The following PTPRU variants were observed in gnomAD, a reference collection of about 807,000 sequenced individuals.
PTPRU encodes receptor-type tyrosine-protein phosphatase U.
Under a neutral mutation model 166.3 loss-of-function variants are expected in PTPRU, and 69 were observed. The ratio of observed to expected loss-of-function variants is 0.41; its 90% CI spans 0.34 to 0.51. The LOEUF is 0.51. Ranked by LOEUF, PTPRU falls within the 20% of genes least tolerant of loss-of-function variation. PTPRU has a pLI of 0.09. For synonymous variants in PTPRU, 793 were observed against 814.0 expected (o/e 0.97, Z 0.44); for missense variants, 1,657 against 2,013.7 (o/e 0.82, Z 3.39).
Position 29,307,288 on chromosome 1 carries a change from C to T in PTPRU, c.2820+1860C>T, listed in dbSNP as rs982845554. Reference sequence around the variant, plus strand: ...TTCTACTTATGTGCCCAGCACCAACCGTCCATTTCAGCAGCCTGGCCAGGG... The same window carrying T: ...TTCTACTTATGTGCCCAGCACCAACTGTCCATTTCAGCAGCCTGGCCAGGG... On this transcript the variant is annotated intron_variant, in intron 18 of 29. Coordinates refer to ENST00000373779, the MANE Select transcript of PTPRU (RefSeq NM_133178.4). 47 of 1,186,764 alleles carry T rather than the reference C, an allele frequency of 4.0e-5. No homozygotes were observed. In the Middle Eastern group the frequency reaches 7.6e-4, roughly 19 times the overall value. 73.5% of individuals were successfully genotyped at this position (1,186,764 alleles called of 1,614,324 possible).
At chr1:29,278,829 A>G (rs1012821845) in intron 8 of PTPRU, among the ~76,000 whole-genome samples, 183 bp from the exon 9 acceptor site, 3 of 152,252 alleles carry the variant, frequency 2.0e-5, no homozygotes, top group African/African-American at 7.2e-5. Flanking sequence ...TGTACATCAC[A>G]TCATTTGAGT....
At chr1:29,274,962 ATT>A (rs913279952) in intron 7 of PTPRU, among the ~76,000 whole-genome samples, 2 of 147,750 alleles carry the variant, frequency 1.4e-5, no homozygotes, top group Non-Finnish European at 3.0e-5. Context: ...AGGTGGAAGG[ATT>A]GCTTGAACCT....
chr1:29,273,859 A>G (rs940231602), intron 7 of PTPRU, among the ~76,000 whole-genome samples: 1 of 152,116 alleles, frequency 6.6e-6, no homozygotes, highest in Non-Finnish European at 1.5e-5. Flanking sequence ...GGTGGTTAAG[A>G]GCATGGATTT....
chr1:29,255,761 C>T (rs1412944329), intron 2 of PTPRU, among the ~76,000 whole-genome samples: 1 of 152,144 alleles, frequency 6.6e-6, no homozygotes, highest in African/African-American at 2.4e-5. Flanking sequence ...CCAAAGAGCC[C>T]CTGAATCCTG....
Position 29,279,761 on chromosome 1 carries a change from G to A in PTPRU, c.1765+104G>A. Reference sequence around the variant, plus strand: ...GGGGCATCCTGGGGGTAGTTACAGAGGGCCCCTGCTGAGATAAATATGCCA... The same window carrying A: ...GGGGCATCCTGGGGGTAGTTACAGAAGGCCCCTGCTGAGATAAATATGCCA... On this transcript the variant is annotated intron_variant, in intron 10 of 29. Transcript: ENST00000373779. The surrounding 1 kb of genome is among the most constrained non-coding windows in gnomAD (Gnocchi z 5.2). 7.4e-7 allele frequency: 1 copy of A among 1,359,440 alleles called. No individual in the cohort carries two copies. Among genetic ancestry groups the A allele is most frequent in the Non-Finnish European group, 1.0e-6 (1 of 975,008 alleles). The allele number at this position is 1,359,440 out of a possible 1,614,324, so 84.2% of individuals were successfully genotyped here. A position where few individuals can be genotyped will look rare whatever the true frequency, so the allele number is the denominator to read the frequency against.
At chr1:29,323,564 TGTG>T in intron 27 of PTPRU, 64 bp from the exon 28 acceptor site, 2 of 1,611,582 alleles carry the variant, frequency 1.2e-6, no homozygotes, top group Non-Finnish European at 1.7e-6. Context: ...AATGACCCTC[TGTG>T]TCATCAGGGG....
At chr1:29,293,206 G>C (rs2151958529) in intron 15 of PTPRU, among the ~76,000 whole-genome samples, 1 of 152,310 alleles carries the variant, frequency 6.6e-6, no homozygotes, top group African/African-American at 2.4e-5. Flanking sequence ...TTGAACTCCT[G>C]ACCTTAGGTG....
rs1557456316 is a variant in PTPRU, at chr1:29,291,861, C to T, written c.2319-8C>T. 1.9e-6 allele frequency: 3 copies of T among 1,613,562 alleles called. No individual in the cohort carries two copies. Among genetic ancestry groups the T allele is most frequent in the East Asian group, 2.2e-5 (1 of 44,870 alleles). ...ATGCCTGTGTCTCCCCTCAACCCCC[C>T]TCTCCAGGAAGCCGGTGAACATGAC... On this transcript the variant is annotated splice_region_variant and splice_polypyrimidine_tract_variant and intron_variant, in intron 14 of 29. Transcript: ENST00000373779. The surrounding 1 kb of genome is among the most constrained non-coding windows in gnomAD (Gnocchi z 4.1).
intron 7 of PTPRU, among the ~76,000 whole-genome samples, chr1:29,274,930 A>G (rs1685726299): frequency 6.6e-6 from 1 of 151,724 alleles, no homozygotes; most frequent in Admixed American, 6.6e-5. Flanking sequence ...TACGCCTGTA[A>G]TCCCAGCTAC....
At chr1:29,273,774 A>G (rs139083243) in intron 7 of PTPRU, among the ~76,000 whole-genome samples, 1 of 152,218 alleles carries the variant, frequency 6.6e-6, no homozygotes, top group Non-Finnish European at 1.5e-5. Context: ...AAAACATAAC[A>G]TGCACCTCCC....
chr1:29,263,467 A>G (rs754156501), intron 7 of PTPRU, among the ~76,000 whole-genome samples: 8 of 152,156 alleles, frequency 5.3e-5, no homozygotes, highest in Non-Finnish European at 5.9e-5. Context: ...CAGTATTGCT[A>G]TATTTGTGTA....
chr1:29,260,277 T>C lies in PTPRU; in HGVS notation c.850+233T>C. On this transcript the variant is annotated intron_variant, in intron 6 of 29. Transcript: ENST00000373779. This position sits in a 1 kb window ranked among gnomAD's most constrained non-coding sequence, Gnocchi z 8.3. ...GACGGACAGGGTCAAGGTGAGAGCC[T>C]AAAGAGGGGTGGGGTTCTGGCTGTG... 6.0e-6 allele frequency: 3 copies of C among 501,032 alleles called. No homozygotes were observed. The highest frequency in any genetic ancestry group is 6.7e-6 in the Non-Finnish European group (2 of 300,586). 31.0% of individuals were successfully genotyped at this position (501,032 alleles called of 1,614,324 possible).
At chr1:29,269,845 T>C (rs1405333334) in intron 7 of PTPRU, among the ~76,000 whole-genome samples, 2 of 152,098 alleles carry the variant, frequency 1.3e-5, no homozygotes, top group Non-Finnish European at 2.9e-5. Context: ...TTTACACCCT[T>C]GCATTGGGAT....
chr1:29,248,214 T>C (rs1684383716), intron 1 of PTPRU, among the ~76,000 whole-genome samples: 1 of 151,896 alleles, frequency 6.6e-6, no homozygotes, highest in Non-Finnish European at 1.5e-5. Flanking sequence ...GGGATGGGGT[T>C]CAAATGCATG....
chr1:29,314,215 G>A (rs1332927455), intron 22 of PTPRU, among the ~76,000 whole-genome samples: 1 of 152,164 alleles, frequency 6.6e-6, no homozygotes, highest in Non-Finnish European at 1.5e-5. Flanking sequence ...AAGGACATTC[G>A]ATCGTATGTC....
intron 27 of PTPRU, 29 bp downstream of exon 27, chr1:29,323,525 G>T: frequency 1.2e-6 from 2 of 1,612,016 alleles, no homozygotes. Context: ...CCCAGGGAAG[G>T]ACCCTGGGTG....
chr1:29,259,494 CG>C lies in PTPRU; in HGVS notation c.608del (p.Gly203AlafsTer52). Reference protein sequence around the residue: ...FSRLGDVEVNAGQNASFQCMA... With the variant: ...FSRLGDVEVNXGQNASFQCMA... ...CGCCTGGGCGACGTGGAGGTCAACGCGGGCCAGAACGCGTCGTTCCAGTGCA... is the reference window on the plus strand; with the variant it reads ...CGCCTGGGCGACGTGGAGGTCAACGCGGCCAGAACGCGTCGTTCCAGTGCA... On this transcript the variant is annotated frameshift_variant, in exon 5 of 30. Coordinates refer to ENST00000373779, the MANE Select transcript of PTPRU (RefSeq NM_133178.4). LOFTEE classifies it high-confidence loss of function. 1 of 1,588,824 alleles carries C rather than the reference CG, an allele frequency of 6.3e-7. No individual in the cohort carries two copies. The highest frequency in any genetic ancestry group is 8.6e-7 in the Non-Finnish European group (1 of 1,164,506).
intron 15 of PTPRU, among the ~76,000 whole-genome samples, chr1:29,297,683 G>A (rs995826471): frequency 6.6e-6 from 1 of 152,164 alleles, no homozygotes; most frequent in Admixed American, 6.5e-5. Context: ...AGATCAGGGT[G>A]GTGTGGGCTC....
At chr1:29,246,780 T>G (rs1684317516) in intron 1 of PTPRU, among the ~76,000 whole-genome samples, 2 of 152,234 alleles carry the variant, frequency 1.3e-5, no homozygotes, top group South Asian at 4.1e-4. Flanking sequence ...CAAACCCAGC[T>G]AATTTTTGTA....
Sources: allele counts gnomAD v4.1 joint callset (sites outside exome capture counted in the v4.1 genomes callset), GRCh38; gene constraint gnomAD v4.1.1; non-coding constraint Gnocchi (gnomAD v3.1); transcripts MANE v1.5; gene names NCBI Gene and HGNC (gene_info 2026-07-23, HGNC 2026-07-21).